Variants in PXT1 observed in about 807,000 individuals in gnomAD.
The protein encoded by PXT1 is peroxisomal testis-specific protein 1.
In PXT1, 11 loss-of-function variants were observed where a neutral mutation model predicts 11.0. The ratio of observed to expected loss-of-function variants is 1.00; its 90% CI spans 0.63 to 1.66. The LOEUF (loss-of-function observed/expected upper bound fraction) is 1.66, where lower values mean the gene tolerates loss of function less well. Ranked by LOEUF, PXT1 falls within the 40% of genes most tolerant of loss-of-function variation. The pLI is 0.00. For missense variants in PXT1, 141 were observed against 155.5 expected (o/e 0.91, Z 0.49); for synonymous variants, 43 against 51.4 (o/e 0.84, Z 0.70).
chr6:36,417,764 T>A (rs1383868110), intron 3 of PXT1, among the ~76,000 whole-genome samples: 1 of 125,888 alleles, frequency 7.9e-6, no homozygotes, highest in African/African-American at 3.2e-5. Context: ...TGAGATCCTG[T>A]CTCAAAAAAA....
chr6:36,437,727 A>C (rs1774787255), intron 2 of PXT1, among the ~76,000 whole-genome samples: 1 of 151,184 alleles, frequency 6.6e-6, no homozygotes, highest in African/African-American at 2.4e-5. Flanking sequence ...CGTGTTAGCC[A>C]GGATGGTCTC....
At chr6:36,402,139 C>A (rs1774223743) in intron 3 of PXT1, among the ~76,000 whole-genome samples, 1 of 152,060 alleles carries the variant, frequency 6.6e-6, no homozygotes. Context: ...TTTACCCACT[C>A]TCCTTGATGA....
intron 3 of PXT1, among the ~76,000 whole-genome samples, chr6:36,417,637 G>A (rs1425978020): frequency 2.0e-5 from 3 of 149,546 alleles, no homozygotes; most frequent in South Asian, 2.1e-4. Context: ...GCGTGGTGGT[G>A]TACGCCTGCA....
intron 4 of PXT1, among the ~76,000 whole-genome samples, chr6:36,395,073 C>T (rs975330155): frequency 1.3e-5 from 2 of 152,040 alleles, no homozygotes; most frequent in Admixed American, 1.3e-4. Flanking sequence ...AAACTCCTGG[C>T]CTCAGCCTCC....
intron 4 of PXT1, among the ~76,000 whole-genome samples, chr6:36,394,156 A>C (rs544288302): frequency 6.6e-6 from 1 of 152,366 alleles, no homozygotes; most frequent in Admixed American, 6.5e-5. Flanking sequence ...CATGGCAGAC[A>C]AGAAAAAGTA....
chr6:36,392,815 C>G (rs2127408821), intron 4 of PXT1, among the ~76,000 whole-genome samples: 1 of 152,198 alleles, frequency 6.6e-6, no homozygotes, highest in African/African-American at 2.4e-5. Context: ...CCCCGCCTGC[C>G]CCCTGCAGTC....
At chr6:36,430,193 C>T (rs150969059) in intron 2 of PXT1, among the ~76,000 whole-genome samples, 521 of 151,246 alleles carry the variant, frequency 3.4e-3, no homozygotes, top group Middle Eastern at 6.8e-3. Flanking sequence ...GGTGACAGAG[C>T]GACACTCCAT....
intron 4 of PXT1, among the ~76,000 whole-genome samples, chr6:36,395,027 A>G (rs1774123595): frequency 6.6e-6 from 1 of 152,114 alleles, no homozygotes; most frequent in South Asian, 2.1e-4. Flanking sequence ...AGAGAGAGAG[A>G]GACAGGGGTC....
intron 4 of PXT1, among the ~76,000 whole-genome samples, chr6:36,399,479 C>A (rs1774186387): frequency 6.6e-6 from 1 of 152,130 alleles, no homozygotes; most frequent in Admixed American, 6.6e-5. Context: ...TTGTTGGGAT[C>A]TCCCATTCAT....
chr6:36,432,976 G>T (rs1057491032), intron 2 of PXT1, among the ~76,000 whole-genome samples: 1 of 151,168 alleles, frequency 6.6e-6, no homozygotes, highest in African/African-American at 2.4e-5. Flanking sequence ...TGACATATTG[G>T]TGGCTCCCAT....
chr6:36,428,778 C>G (rs1028812611), intron 2 of PXT1, among the ~76,000 whole-genome samples: 1 of 150,580 alleles, frequency 6.6e-6, no homozygotes, highest in Non-Finnish European at 1.5e-5. Flanking sequence ...GTCTCTCGCT[C>G]TATCACCCAG....
chr6:36,408,636 G>A (rs1288788487), intron 3 of PXT1, among the ~76,000 whole-genome samples: 1 of 150,062 alleles, frequency 6.7e-6, no homozygotes, highest in Admixed American at 6.7e-5. Flanking sequence ...GAGGCTGTTG[G>A]GGGAGGATCC....
chr6:36,415,169 G>A (rs907601754), intron 3 of PXT1, among the ~76,000 whole-genome samples: 3 of 152,222 alleles, frequency 2.0e-5, no homozygotes, highest in East Asian at 1.9e-4. Context: ...CCGGCCAGGC[G>A]CGGGGGCTCA....
At chr6:36,420,262 T>C (rs942823678) in intron 3 of PXT1, among the ~76,000 whole-genome samples, 3 of 152,170 alleles carry the variant, frequency 2.0e-5, no homozygotes, top group Non-Finnish European at 2.9e-5. Flanking sequence ...TATTAAGTAA[T>C]TGGAAACAGC....
rs188274632 is a variant in PXT1, at chr6:36,391,460, G to C, written c.*310C>G. ...TCATTCCTGGAAGGAAATGTTCAAGGTTTCCTCACAAGGAGCCCTGGGACC... is the reference window on the plus strand; with the variant it reads ...TCATTCCTGGAAGGAAATGTTCAAGCTTTCCTCACAAGGAGCCCTGGGACC... On this transcript the variant is annotated 3_prime_UTR_variant, in exon 5 of 5. Coordinates refer to ENST00000454782, the MANE Select transcript of PXT1 (RefSeq NM_152990.4). 17 of 295,798 alleles carry C rather than the reference G, an allele frequency of 5.7e-5. 1 individual carries two copies. The highest frequency in any genetic ancestry group is 5.1e-4 in the Admixed American group (10 of 19,456). 18.3% of individuals were successfully genotyped at this position (295,798 alleles called of 1,614,324 possible). A position where few individuals can be genotyped will look rare whatever the true frequency, so the allele number is the denominator to read the frequency against.
chr6:36,392,329 T>C (rs1774081409), intron 4 of PXT1, among the ~76,000 whole-genome samples: 1 of 152,230 alleles, frequency 6.6e-6, no homozygotes, highest in Non-Finnish European at 1.5e-5. Flanking sequence ...CAAAACACTT[T>C]CTTAGTTCTT....
At chr6:36,434,649 A>T (rs1582274394) in intron 2 of PXT1, among the ~76,000 whole-genome samples, 1 of 152,216 alleles carries the variant, frequency 6.6e-6, no homozygotes, top group African/African-American at 2.4e-5. Context: ...GTAATTTCCA[A>T]GAGAAGTTCG....
intron 2 of PXT1, among the ~76,000 whole-genome samples, chr6:36,429,497 T>G (rs1289627948): frequency 3.9e-5 from 5 of 127,176 alleles, no homozygotes; most frequent in Non-Finnish European, 7.8e-5. Context: ...TCTTTTTTCT[T>G]TTTTTCTTTT....
At chr6:36,406,072 G>C (rs769710077) in intron 3 of PXT1, among the ~76,000 whole-genome samples, 1 of 152,192 alleles carries the variant, frequency 6.6e-6, no homozygotes, top group African/African-American at 2.4e-5. Context: ...TGATAATAAT[G>C]ATGATCCAGA....
Sources: allele counts gnomAD v4.1 joint callset (sites outside exome capture counted in the v4.1 genomes callset), GRCh38; gene constraint gnomAD v4.1.1; transcripts MANE v1.5; gene names NCBI Gene and HGNC (gene_info 2026-07-23, HGNC 2026-07-21).